Variants in FAM120C observed in about 807,000 individuals in gnomAD.
FAM120C encodes constitutive coactivator of PPAR-gamma-like protein 2.
FAM120C carries 14 observed loss-of-function variants against 71.2 expected under a neutral mutation model. That is an observed-to-expected ratio of 0.20 (90% CI 0.13 to 0.31). The LOEUF (loss-of-function observed/expected upper bound fraction) is 0.31, where lower values mean the gene tolerates loss of function less well. Among genes scored for constraint, FAM120C ranks in the 10% least tolerant of loss-of-function variants. FAM120C has a pLI of 1.00. For synonymous variants in FAM120C, 354 were observed against 353.2 expected (o/e 1.00, Z -0.03); for missense variants, 500 against 879.0 (o/e 0.57, Z 5.45).
intron 1 of FAM120C, chrX:54,174,044 T>C (rs1557136331): frequency 2.0e-6 from 1 of 503,760 alleles, no homozygotes; most frequent in Non-Finnish European, 3.6e-6. Flanking sequence ...AGGCTGTAGT[T>C]GGACTGAGGG....
At chrX:54,083,478 C>CACACACACACACACACACACACACA (rs782758591) in intron 13 of FAM120C, among the ~76,000 whole-genome samples, 1 of 101,754 alleles carries the variant, frequency 9.8e-6, no homozygotes, top group African/African-American at 3.9e-5. Context: ...CACACACACA[C>CACACACACACACACACACACACACA]CAAAATATTA....
intron 2 of FAM120C, among the ~76,000 whole-genome samples, 172 bp from the exon 3 acceptor site, chrX:54,157,943 A>G (rs782394874): frequency 8.9e-6 from 1 of 112,256 alleles, no homozygotes; most frequent in South Asian, 3.7e-4. Context: ...CATGTGCATT[A>G]TATGTATCAT....
chrX:54,081,333 C>G lies in FAM120C; in HGVS notation c.2967G>C (p.Gly989=), dbSNP rs782474823. 8.3e-7 allele frequency: 1 copy of G among 1,208,689 alleles called. No individual in the cohort carries two copies. Among genetic ancestry groups the G allele is most frequent in the East Asian group, 3.0e-5 (1 of 33,771 alleles). The change falls in exon 14 of 16, where the codon GGG becomes GGC. Residue 989 remains glycine (G), a synonymous_variant. Coordinates refer to ENST00000375180, the MANE Select transcript of FAM120C (RefSeq NM_017848.6). ...SFGMQVVSVG[G]PGKGHGKEQT... ...ATTTGGGTACATACCCCTTTCCTGG[C>G]CCACCGACAGAAACCACTTGCATGC...
chrX:54,109,651 T>C (rs782259817), intron 10 of FAM120C, among the ~76,000 whole-genome samples: 3 of 98,779 alleles, frequency 3.0e-5, no homozygotes, highest in African/African-American at 1.1e-4. Flanking sequence ...ACAAAGAAAA[T>C]TGGTACTGAG....
intron 10 of FAM120C, among the ~76,000 whole-genome samples, chrX:54,109,847 AG>A (rs1329419989): frequency 1.9e-4 from 20 of 107,440 alleles, no homozygotes; most frequent in Non-Finnish European, 3.4e-4. Context: ...TACATAAGAA[AG>A]GTCGGGGAAA....
intron 13 of FAM120C, 88 bp downstream of exon 13, chrX:54,085,627 C>A: frequency 1.2e-6 from 1 of 844,216 alleles, no homozygotes; most frequent in Non-Finnish European, 1.7e-6. Flanking sequence ...ATATGTGAAA[C>A]TGTTGATCCT....
intron 15 of FAM120C, among the ~76,000 whole-genome samples, chrX:54,079,669 T>A (rs894235997): frequency 9.1e-6 from 1 of 110,297 alleles, no homozygotes; most frequent in African/African-American, 3.3e-5. Context: ...TGGTGGTGCA[T>A]GCCTATAATC....
intron 13 of FAM120C, among the ~76,000 whole-genome samples, chrX:54,083,383 G>A (rs1015123456): frequency 1.9e-5 from 2 of 105,607 alleles, no homozygotes; most frequent in African/African-American, 6.9e-5. Context: ...AGGCAGGATC[G>A]CTTAAGCCCA....
intron 4 of FAM120C, among the ~76,000 whole-genome samples, chrX:54,148,395 C>T (rs1557132628): frequency 9.0e-6 from 1 of 111,607 alleles, no homozygotes; most frequent in Non-Finnish European, 1.9e-5. Flanking sequence ...ACCTGTAATC[C>T]CAGCACTTTG....
At chrX:54,133,347 A>G (rs1222573275) in intron 8 of FAM120C, among the ~76,000 whole-genome samples, 2 of 112,207 alleles carry the variant, frequency 1.8e-5, no homozygotes, top group East Asian at 5.6e-4. Flanking sequence ...AAAATAAAAT[A>G]AAGTCTCAAC....
At chrX:54,073,671 A>T (rs1557120323) in intron 15 of FAM120C, among the ~76,000 whole-genome samples, 1 of 110,607 alleles carries the variant, frequency 9.0e-6, no homozygotes, top group Non-Finnish European at 1.9e-5. Flanking sequence ...GCCTCAACTG[A>T]TCTGCCCGCC....
chrX:54,144,811 A>G (rs911093701), intron 4 of FAM120C, among the ~76,000 whole-genome samples: 10 of 111,861 alleles, frequency 8.9e-5, no homozygotes, highest in Non-Finnish European at 1.9e-5. Context: ...ATTGGAAAAA[A>G]CTACCTTAAA....
Position 54,069,699 on chromosome X carries a change from T to A in FAM120C, c.*3334A>T, listed in dbSNP as rs1185213754. On this transcript the variant is annotated 3_prime_UTR_variant, in exon 16 of 16. Transcript: ENST00000375180. The stretch of plus-strand genomic sequence containing the variant: ...TCAGAAATCAAGATGGAGACAAAAA[T>A]CAAATGTCACTAGCCAAAGCGAGTA... The A allele has an allele frequency of 9.0e-6, 1 of 111,626 alleles. No individual in the cohort carries two copies. The highest frequency in any genetic ancestry group is 1.9e-5 in the Non-Finnish European group (1 of 53,167). The allele number at this position is 111,626 out of a possible 1,213,427, so 9.2% of individuals were successfully genotyped here.
In FAM120C at chrX:54,072,166, C is replaced by CACAA. The variant is rs1397437088; in HGVS notation, c.*866_*867insTTGT. The CACAA allele has an allele frequency of 2.2e-5, 2 of 92,318 alleles. No homozygotes were observed. Among genetic ancestry groups the CACAA allele is most frequent in the African/African-American group, 8.0e-5 (2 of 25,083 alleles). The allele number at this position is 92,318 out of a possible 1,213,427, so 7.6% of individuals were successfully genotyped here. On this transcript the variant is annotated 3_prime_UTR_variant, in exon 16 of 16. Coordinates refer to ENST00000375180, the MANE Select transcript of FAM120C (RefSeq NM_017848.6). ...CCACACACAAGCACACATTCACACA[C>CACAA]ACACACACACACACACACACACACA...
chrX:54,135,452 C>A, intron 6 of FAM120C, 76 bp downstream of exon 6: 1 of 902,232 alleles, frequency 1.1e-6, no homozygotes, highest in Non-Finnish European at 1.6e-6. Context: ...ACTGAATCAC[C>A]CTAACTCCTC....
intron 9 of FAM120C, among the ~76,000 whole-genome samples, chrX:54,118,611 T>C (rs1487022264): frequency 9.2e-6 from 1 of 108,835 alleles, no homozygotes; most frequent in East Asian, 2.9e-4. Flanking sequence ...CTCCGGGATA[T>C]GGTATTATCA....
In FAM120C at chrX:54,103,497, T is replaced by C. The variant is rs149061420; in HGVS notation, c.2313-12071A>G. Reference sequence around the variant, plus strand: ...ATCTTTATAATTAATCCATCTGGAATTTATGTGAGGCATGGCTCTAAATGG... The same window carrying C: ...ATCTTTATAATTAATCCATCTGGAACTTATGTGAGGCATGGCTCTAAATGG... On this transcript the variant is annotated intron_variant, in intron 10 of 15. Coordinates refer to ENST00000375180, the MANE Select transcript of FAM120C (RefSeq NM_017848.6). Among the ~76,000 whole-genome samples, 556 of 112,317 alleles carry C rather than the reference T, an allele frequency of 5.0e-3. 2 individuals are homozygous for C. The highest frequency in any genetic ancestry group is 0.017 in the African/African-American group (520 of 31,102).
At chrX:54,094,493 T>A (rs1425603235) in intron 10 of FAM120C, among the ~76,000 whole-genome samples, 1 of 109,445 alleles carries the variant, frequency 9.1e-6, no homozygotes, top group African/African-American at 3.3e-5. Flanking sequence ...TGGCACCACC[T>A]ACATCTCAAA....
intron 3 of FAM120C, among the ~76,000 whole-genome samples, chrX:54,154,938 C>T (rs1276665185): frequency 2.7e-5 from 3 of 110,833 alleles, no homozygotes; most frequent in Admixed American, 9.7e-5. Context: ...TGGTGGCTCA[C>T]GGCTATAATC....
Sources: gnomAD v4.1 joint callset for allele counts (sites outside exome capture counted in the v4.1 genomes callset) on GRCh38, gnomAD v4.1.1 for gene constraint, MANE v1.5 for transcripts, NCBI Gene and HGNC (gene_info 2026-07-23, HGNC 2026-07-21) for gene names.